SLC2A13: variants seen among roughly 807,000 people sequenced by gnomAD.
SLC2A13 encodes the protein solute carrier family 2 member 13, also known as proton myo-inositol cotransporter.
Under a neutral mutation model 64.4 loss-of-function variants are expected in SLC2A13, and 32 were observed. The observed-to-expected ratio is 0.50, with a 90% CI of 0.37 to 0.67. The LOEUF (loss-of-function observed/expected upper bound fraction) is 0.67, where lower values mean the gene tolerates loss of function less well. SLC2A13 is among the 30% of genes least tolerant of loss of function. SLC2A13 has a pLI of 0.00. For missense variants in SLC2A13, 743 were observed against 829.2 expected, an observed-to-expected ratio of 0.90 and a Z score of 1.28; for synonymous variants, 338 against 327.1, an observed-to-expected ratio of 1.03 and a Z score of -0.36.
Position 39,916,205 on chromosome 12 carries a change from T to C in SLC2A13, c.1034+35052A>G, listed in dbSNP as rs17127264. Among the ~76,000 whole-genome samples, 1,262 of 151,988 alleles carry C rather than the reference T, an allele frequency of 8.3e-3. 26 individuals are homozygous for C. Among genetic ancestry groups the C allele is most frequent in the African/African-American group, 0.029 (1,187 of 41,414 alleles). ...ACAGTATGGTTTTTAAGTTCCATGATGTCACAGATACACTCCAAGCAGAAC... is the reference window on the plus strand; with the variant it reads ...ACAGTATGGTTTTTAAGTTCCATGACGTCACAGATACACTCCAAGCAGAAC... On this transcript the variant is annotated intron_variant, in intron 4 of 9. Transcript: ENST00000280871.
At chr12:39,846,090 T>C (rs936727836) in intron 6 of SLC2A13, among the ~76,000 whole-genome samples, 3 of 152,092 alleles carry the variant, frequency 2.0e-5, no homozygotes, top group Non-Finnish European at 2.9e-5. Context: ...TTAAAAACAA[T>C]TGCCCAAACA....
At chr12:39,963,829 T>G (rs1412713780) in intron 3 of SLC2A13, among the ~76,000 whole-genome samples, 1 of 152,188 alleles carries the variant, frequency 6.6e-6, no homozygotes, top group African/African-American at 2.4e-5. Flanking sequence ...AACAAATAAG[T>G]ACTAATGAGA....
At chr12:39,859,833 A>G (rs1943711334) in intron 6 of SLC2A13, among the ~76,000 whole-genome samples, 1 of 152,102 alleles carries the variant, frequency 6.6e-6, no homozygotes. Context: ...GCCTTAATTG[A>G]GAAGTATTAA....
chr12:39,959,411 C>T (rs1198095363), intron 3 of SLC2A13, among the ~76,000 whole-genome samples: 1 of 152,192 alleles, frequency 6.6e-6, no homozygotes, highest in Non-Finnish European at 1.5e-5. Flanking sequence ...TAGATGCGTG[C>T]TTGTAAGCTG....
At chr12:39,833,323 T>A (rs1236561941) in intron 6 of SLC2A13, among the ~76,000 whole-genome samples, 1 of 152,050 alleles carries the variant, frequency 6.6e-6, no homozygotes, top group Non-Finnish European at 1.5e-5. Flanking sequence ...CCTATATAGA[T>A]CCCCTGTGGA....
At chr12:39,920,303 C>T (rs1158401837) in intron 4 of SLC2A13, among the ~76,000 whole-genome samples, 1 of 152,034 alleles carries the variant, frequency 6.6e-6, no homozygotes, top group Non-Finnish European at 1.5e-5. Context: ...TTAATTATCT[C>T]CAAGAAAACC....
chr12:40,105,429 G>A lies in SLC2A13; in HGVS notation c.380C>T (p.Thr127Met). 3.9e-6 allele frequency: 6 copies of A among 1,553,428 alleles called. No individual in the cohort carries two copies. Among genetic ancestry groups the A allele is most frequent in the Non-Finnish European group, 3.5e-6 (4 of 1,149,470 alleles). ...CGCCGAGACGGCAGCCGCCCCCACC[G>A]TGCTGGACACCAGCAGCTCCTGCCA... ...ALWQELLVSS[T>M]VGAAAVSALA... is the part of the protein sequence containing the mutation. The change falls in exon 1 of 10, where the codon ACG becomes ATG. Residue 127 changes from threonine (T) to methionine (M), a missense_variant. Physicochemically the swap from Thr to Met is moderately conservative, Grantham distance 81. Transcript: ENST00000280871. This position sits in a 1 kb window ranked among gnomAD's most constrained non-coding sequence, Gnocchi z 4.2.
chr12:39,821,274 T>G (rs910585275), intron 7 of SLC2A13, among the ~76,000 whole-genome samples: 13 of 152,008 alleles, frequency 8.6e-5, no homozygotes, highest in East Asian at 5.9e-4. Context: ...GCCGGGCGTG[T>G]TGGCGGGCGC....
chr12:40,024,597 AT>A (rs1199101428), intron 3 of SLC2A13, among the ~76,000 whole-genome samples: 1 of 152,064 alleles, frequency 6.6e-6, no homozygotes, highest in Non-Finnish European at 1.5e-5. Context: ...TTTCAAAGCA[AT>A]TACCATAATT....
chr12:39,977,476 G>A (rs542919230), intron 3 of SLC2A13, among the ~76,000 whole-genome samples: 1 of 152,326 alleles, frequency 6.6e-6, no homozygotes, highest in East Asian at 1.9e-4. Flanking sequence ...GAGCTTCTCT[G>A]AAAAGAGGCA....
intron 1 of SLC2A13, among the ~76,000 whole-genome samples, chr12:40,080,361 C>G (rs1400735169): frequency 6.6e-6 from 1 of 152,106 alleles, no homozygotes; most frequent in East Asian, 1.9e-4. Context: ...ACTCTGCCTT[C>G]AAAGTGGGCA....
chr12:39,991,786 A>G (rs576842607), intron 3 of SLC2A13, among the ~76,000 whole-genome samples: 1 of 125,656 alleles, frequency 8.0e-6, no homozygotes, highest in East Asian at 2.1e-4. Flanking sequence ...TCATTTCAAG[A>G]TTATATTCTA....
chr12:39,973,893 A>G (rs1399308082), intron 3 of SLC2A13, among the ~76,000 whole-genome samples: 1 of 152,226 alleles, frequency 6.6e-6, no homozygotes, highest in African/African-American at 2.4e-5. Context: ...ATTTTTGGAA[A>G]GAGTTTTTCT....
At chr12:39,769,399 T>C (rs1940479164) in intron 7 of SLC2A13, among the ~76,000 whole-genome samples, 1 of 152,108 alleles carries the variant, frequency 6.6e-6, no homozygotes, top group Admixed American at 6.6e-5. Context: ...CATTTGAATC[T>C]GAAGAACAGA....
intron 1 of SLC2A13, among the ~76,000 whole-genome samples, chr12:40,096,224 C>G (rs559544742): frequency 6.6e-6 from 1 of 152,116 alleles, no homozygotes; most frequent in East Asian, 1.9e-4. Flanking sequence ...CCACCGCACC[C>G]GGCCAGCCCT....
At chr12:40,101,823 TTTG>T (rs1469734105) in intron 1 of SLC2A13, among the ~76,000 whole-genome samples, 4 of 137,986 alleles carry the variant, frequency 2.9e-5, no homozygotes, top group Admixed American at 7.3e-5. Context: ...CTCAAGGTTG[TTTG>T]TTTTTTTTTT....
intron 1 of SLC2A13, among the ~76,000 whole-genome samples, chr12:40,103,344 G>A (rs760674459): frequency 3.9e-5 from 6 of 152,136 alleles, no homozygotes; most frequent in Non-Finnish European, 1.5e-5. Flanking sequence ...AAGAGCTTCT[G>A]GCTTCCCTCT....
intron 6 of SLC2A13, among the ~76,000 whole-genome samples, chr12:39,834,219 G>C (rs1942942940): frequency 6.6e-6 from 1 of 152,026 alleles, no homozygotes; most frequent in South Asian, 2.1e-4. Context: ...TGCCCATTAT[G>C]ACTCTTGAGA....
At chr12:39,776,451 G>T (rs1393000740) in intron 7 of SLC2A13, among the ~76,000 whole-genome samples, 1 of 152,172 alleles carries the variant, frequency 6.6e-6, no homozygotes, top group Non-Finnish European at 1.5e-5. Context: ...CTTGGCAAGG[G>T]GTGGGTGCTG....
Sources: allele counts gnomAD v4.1 joint callset (sites outside exome capture counted in the v4.1 genomes callset), GRCh38; gene constraint gnomAD v4.1.1; non-coding constraint Gnocchi (gnomAD v3.1); transcripts MANE v1.5; gene names NCBI Gene and HGNC (gene_info 2026-07-23, HGNC 2026-07-21).